ENPP1: variants seen among roughly 807,000 people sequenced by gnomAD.
ENPP1 encodes ectonucleotide pyrophosphatase/phosphodiesterase family member 1.
Under a neutral mutation model 122.8 loss-of-function variants are expected in ENPP1, and 73 were observed. That is an observed-to-expected ratio of 0.59 (90% confidence interval 0.49 to 0.72). The LOEUF (loss-of-function observed/expected upper bound fraction) is 0.72. ENPP1 is among the 30% of genes least tolerant of loss of function. ENPP1 has a pLI of 0.00. For missense variants in ENPP1, 978 were observed against 1,128.1 expected, an observed-to-expected ratio of 0.87 and a Z score of 1.91; for synonymous variants, 367 against 391.6, an observed-to-expected ratio of 0.94 and a Z score of 0.74.
chr6:131,879,836 T>C (rs1562183973), intron 19 of ENPP1, 44 bp from the exon 20 acceptor site: 1 of 1,546,034 alleles, frequency 6.5e-7, no homozygotes, highest in Admixed American at 1.7e-5. Flanking sequence ...TATATTATCA[T>C]ATAATGCACA....
chr6:131,886,140 G>T (rs1161136235), intron 23 of ENPP1, among the ~76,000 whole-genome samples: 3 of 152,180 alleles, frequency 2.0e-5, no homozygotes, highest in Non-Finnish European at 4.4e-5. Context: ...TGTCCTCTCT[G>T]AAGGGGCTGG....
At chr6:131,874,401 G>A in intron 16 of ENPP1, 64 bp downstream of exon 16, 1 of 901,834 alleles carries the variant, frequency 1.1e-6, no homozygotes, top group South Asian at 1.4e-5. Flanking sequence ...CAAAGTTTTA[G>A]ACTTGAAAAC....
chr6:131,878,085 T>C (rs755206204), intron 18 of ENPP1, among the ~76,000 whole-genome samples: 1 of 151,688 alleles, frequency 6.6e-6, no homozygotes, highest in Non-Finnish European at 1.5e-5. Context: ...CCTCTCCTTC[T>C]GTCCTTTTCA....
At chr6:131,846,494 C>G (rs893227563) in intron 1 of ENPP1, among the ~76,000 whole-genome samples, 1 of 152,140 alleles carries the variant, frequency 6.6e-6, no homozygotes, top group African/African-American at 2.4e-5. Context: ...ATTTCCCCCC[C>G]ATTCAGAGCC....
intron 1 of ENPP1, among the ~76,000 whole-genome samples, chr6:131,825,285 G>C (rs1327460597): frequency 6.6e-6 from 1 of 152,136 alleles, no homozygotes; most frequent in East Asian, 1.9e-4. Flanking sequence ...AAATAGAAGA[G>C]CACACTGTCT....
At position 131,851,134 on chromosome 6, in the gene ENPP1, G is replaced by C. The variant is rs1781875226; in HGVS notation, c.431-8G>C. 1 of 1,613,772 alleles carries C rather than the reference G, an allele frequency of 6.2e-7. No homozygotes were observed. Among genetic ancestry groups the C allele is most frequent in the Non-Finnish European group, 8.5e-7 (1 of 1,179,876 alleles). ...CATAAAACACATTTTGCTGATGTTT[G>C]TTTCTAGAACATATATGGACTTGCA... is the stretch of plus-strand genomic sequence containing the variant. On this transcript the variant is annotated splice_polypyrimidine_tract_variant and splice_region_variant and intron_variant, in intron 3 of 24. Coordinates refer to ENST00000647893, the MANE Select transcript of ENPP1 (RefSeq NM_006208.3).
intron 1 of ENPP1, chr6:131,820,010 A>C: frequency 3.6e-6 from 2 of 556,860 alleles, no homozygotes; most frequent in East Asian, 9.2e-5. Context: ...GCTGTTCCCC[A>C]TAAGAAATCT....
chr6:131,883,142 A>C (rs2114727721), intron 21 of ENPP1, among the ~76,000 whole-genome samples: 1 of 152,302 alleles, frequency 6.6e-6, no homozygotes, highest in East Asian at 1.9e-4. Flanking sequence ...AAAAATCAGA[A>C]AGCTCCAGGT....
chr6:131,877,070 C>T lies in ENPP1; in HGVS notation c.1802C>T (p.Thr601Met), dbSNP rs763005831. ...CACCTTCTAAAGAATCCTGTTTATA[C>T]GCCAAAGCATCCCAAAGAAGTGCAC... ...LNHLLKNPVY[T>M]PKHPKEVHPL... The change falls in exon 18 of 25, where the codon ACG (threonine) becomes ATG (methionine). Residue 601 changes from threonine to methionine, a missense_variant. By Grantham distance (81) the Thr-to-Met change is moderately conservative. Around this residue, in one of 3 missense-constraint regions of ENPP1, gnomAD observed 644 missense variants for 781.5 expected, o/e 0.82. Transcript: ENST00000647893. 49 of 1,613,892 alleles carry T rather than the reference C, an allele frequency of 3.0e-5. No homozygotes were observed. The highest frequency in any genetic ancestry group is 1.5e-4 in the Admixed American group (9 of 59,986).
chr6:131,884,441 C>T (rs1214010108), intron 22 of ENPP1, among the ~76,000 whole-genome samples: 2 of 152,116 alleles, frequency 1.3e-5, no homozygotes. Flanking sequence ...CTTTCAAAGG[C>T]CAAAGCTGAA....
chr6:131,854,897 A>G, intron 5 of ENPP1, 29 bp from the exon 6 acceptor site: 1 of 1,511,736 alleles, frequency 6.6e-7, no homozygotes, highest in Middle Eastern at 1.7e-4. Context: ...TGCTTCTTTA[A>G]ACATTTTTTT....
chr6:131,809,830 G>A (rs1781326163), intron 1 of ENPP1, among the ~76,000 whole-genome samples: 1 of 152,188 alleles, frequency 6.6e-6, no homozygotes, highest in African/African-American at 2.4e-5. Flanking sequence ...CAAAGGTCTA[G>A]TTTTGGAATA....
chr6:131,850,412 T>G (rs925345731), intron 3 of ENPP1, among the ~76,000 whole-genome samples: 6 of 152,292 alleles, frequency 3.9e-5, no homozygotes, highest in Non-Finnish European at 8.8e-5. Context: ...TATAGAAATA[T>G]TTTCATTATG....
chr6:131,812,361 A>G (rs1781365426), intron 1 of ENPP1, among the ~76,000 whole-genome samples: 1 of 152,218 alleles, frequency 6.6e-6, no homozygotes, highest in Non-Finnish European at 1.5e-5. Flanking sequence ...GAAGATGTCC[A>G]CTTAGGCAGG....
At chr6:131,882,058 T>TAAA (rs59854617) in intron 20 of ENPP1, among the ~76,000 whole-genome samples, 1,516 of 151,250 alleles carry the variant, frequency 0.01, 30 homozygotes, top group African/African-American at 0.035. Flanking sequence ...AATAAATAAA[T>TAAA]ATTTAAAATT....
At position 131,864,855 on chromosome 6, in the gene ENPP1, G is replaced by A. The variant is rs1333049181; in HGVS notation, c.1092-11G>A. On this transcript the variant is annotated splice_polypyrimidine_tract_variant and intron_variant, in intron 10 of 24. Transcript: ENST00000647893. ...TCGTAAAATATTACATTTTGATACT[G>A]TTTGATTTAGACCACACTTTTACAC... 7 of 1,553,054 alleles carry A rather than the reference G, an allele frequency of 4.5e-6. No homozygotes were observed. The highest frequency in any genetic ancestry group is 8.9e-7 in the Non-Finnish European group (1 of 1,125,006).
At position 131,891,781 on chromosome 6, in the gene ENPP1, T is replaced by C. The variant is rs1183151525; in HGVS notation, c.*1270T>C. Reference sequence around the variant, plus strand: ...TTTTTTTTTTTTCAGTCCTGCAGTTTCCTGAAGCTCTGTATATGATATTTT... The same window carrying C: ...TTTTTTTTTTTTCAGTCCTGCAGTTCCCTGAAGCTCTGTATATGATATTTT... On this transcript the variant is annotated 3_prime_UTR_variant, in exon 25 of 25. Transcript: ENST00000647893. 6.6e-6 allele frequency: 1 copy of C among 151,314 alleles called. No homozygotes were observed. Among genetic ancestry groups the C allele is most frequent in the Non-Finnish European group, 1.5e-5 (1 of 67,860 alleles). The allele number at this position is 151,314 out of a possible 1,614,324, so 9.4% of individuals were successfully genotyped here.
chr6:131,811,838 A>T (rs1217787456), intron 1 of ENPP1, among the ~76,000 whole-genome samples: 1 of 152,292 alleles, frequency 6.6e-6, no homozygotes, highest in Admixed American at 6.5e-5. Flanking sequence ...TCCTTTTAAT[A>T]AAAATCTTTC....
At chr6:131,828,791 TTTAAG>T (rs1781576707) in intron 1 of ENPP1, among the ~76,000 whole-genome samples, 2 of 152,258 alleles carry the variant, frequency 1.3e-5, no homozygotes, top group Non-Finnish European at 2.9e-5. Context: ...AAATTCTGTC[TTTAAG>T]TTGTCACTGT....
Sources: allele counts gnomAD v4.1 joint callset (sites outside exome capture counted in the v4.1 genomes callset), GRCh38; gene constraint gnomAD v4.1.1; regional missense constraint gnomAD v4.1.1; transcripts MANE v1.5; gene names NCBI Gene and HGNC (gene_info 2026-07-23, HGNC 2026-07-21).